The following PLXNA2 variants were observed in gnomAD, a reference collection of about 807,000 sequenced individuals.
PLXNA2 encodes plexin-A2.
PLXNA2 carries 91 observed loss-of-function variants against 193.5 expected under a neutral mutation model. The ratio of observed to expected loss-of-function variants is 0.47; its 90% CI spans 0.40 to 0.56. The LOEUF (loss-of-function observed/expected upper bound fraction) is 0.56. Ranked by LOEUF, PLXNA2 falls within the 20% of genes least tolerant of loss-of-function variation. The pLI is 0.00. For missense variants in PLXNA2, 1,995 were observed against 2,503.2 expected, an observed-to-expected ratio of 0.80 and a Z score of 4.33; for synonymous variants, 997 against 1,027.3, an observed-to-expected ratio of 0.97 and a Z score of 0.56.
chr1:208,179,070 G>A (rs1162033743), intron 3 of PLXNA2, among the ~76,000 whole-genome samples: 3 of 152,192 alleles, frequency 2.0e-5, no homozygotes, highest in African/African-American at 7.2e-5. Context: ...CAGCACGCTG[G>A]GCCTGGGCTA....
chr1:208,074,966 G>C (rs775734777), intron 12 of PLXNA2, among the ~76,000 whole-genome samples: 2 of 152,188 alleles, frequency 1.3e-5, no homozygotes, highest in Non-Finnish European at 2.9e-5. Flanking sequence ...CAGAGGTTTG[G>C]GGAAAACATC....
intron 28 of PLXNA2, among the ~76,000 whole-genome samples, chr1:208,033,089 T>C (rs1410281659): frequency 2.0e-5 from 3 of 148,520 alleles, no homozygotes; most frequent in Admixed American, 6.8e-5. Flanking sequence ...GGAGATCGGG[T>C]CTTGATATGT....
intron 1 of PLXNA2, among the ~76,000 whole-genome samples, chr1:208,230,675 A>C (rs949621770): frequency 6.6e-6 from 1 of 152,156 alleles, no homozygotes; most frequent in Non-Finnish European, 1.5e-5. Flanking sequence ...GCTTTTCTGA[A>C]CCAACAGCCA....
chr1:208,192,858 G>T (rs557407564), intron 3 of PLXNA2, among the ~76,000 whole-genome samples: 1 of 148,572 alleles, frequency 6.7e-6, no homozygotes, highest in African/African-American at 2.5e-5. Context: ...TTGCATTCCA[G>T]CCTGGGCAAC....
chr1:208,242,897 A>C (rs886430088), intron 1 of PLXNA2, among the ~76,000 whole-genome samples: 1 of 152,118 alleles, frequency 6.6e-6, no homozygotes, highest in African/African-American at 2.4e-5. Context: ...GGCAAGAAAG[A>C]GCACATGGAA....
rs888007031 is a variant in PLXNA2 at position 208,038,951 on chromosome 1, T to G, written c.4534A>C (p.Ser1512Arg). 1 of 1,614,086 alleles carries G rather than the reference T, an allele frequency of 6.2e-7. No homozygotes were observed. The highest frequency in any genetic ancestry group is 1.1e-5 in the South Asian group (1 of 91,078). ...LNCVNPDNEN[S>R]PEIPVKVLNC... ...AACACCTTCACTGGGATCTCTGGACTGTTCTCGTTGTCAGGGTTGACGCAG... is the reference window on the plus strand; with the variant it reads ...AACACCTTCACTGGGATCTCTGGACGGTTCTCGTTGTCAGGGTTGACGCAG... The change falls in exon 25 of 32, where the codon AGT (serine) becomes CGT (arginine). Residue 1512 changes from serine to arginine, a missense_variant. Ser to Arg is a moderately radical substitution (Grantham distance 110, BLOSUM62 -1). This residue lies in a region of PLXNA2 where 1,291 missense variants were observed against 1,673.6 expected (regional missense o/e 0.77). Transcript: ENST00000367033. This position sits in a 1 kb window ranked among gnomAD's most constrained non-coding sequence, Gnocchi z 4.1.
intron 3 of PLXNA2, among the ~76,000 whole-genome samples, chr1:208,192,334 A>G (rs1422117655): frequency 2.1e-5 from 3 of 143,026 alleles, no homozygotes; most frequent in Non-Finnish European, 4.6e-5. Flanking sequence ...GTGTGTGTGC[A>G]CGTGCACACA....
chr1:208,168,226 C>T (rs1669370116), intron 3 of PLXNA2, among the ~76,000 whole-genome samples: 1 of 152,216 alleles, frequency 6.6e-6, no homozygotes, highest in Non-Finnish European at 1.5e-5. Context: ...GTCTCCCTCT[C>T]TTTTCCCCTC....
intron 3 of PLXNA2, among the ~76,000 whole-genome samples, chr1:208,177,497 T>A (rs1213956850): frequency 6.6e-6 from 1 of 152,240 alleles, no homozygotes; most frequent in Non-Finnish European, 1.5e-5. Context: ...TCTAGGACAG[T>A]GGCACTTAGC....
intron 31 of PLXNA2, 61 bp from the exon 32 acceptor site, chr1:208,027,399 TG>T: frequency 7.1e-7 from 1 of 1,411,534 alleles, no homozygotes. Flanking sequence ...CACCATTTTC[TG>T]GAGTCGTTCC....
intron 3 of PLXNA2, among the ~76,000 whole-genome samples, chr1:208,169,507 G>A (rs150004625): frequency 3.3e-5 from 5 of 152,330 alleles, no homozygotes; most frequent in African/African-American, 9.6e-5. Context: ...TTGGGTGTAC[G>A]TGGCCCTGTT....
intron 3 of PLXNA2, among the ~76,000 whole-genome samples, chr1:208,186,637 G>A (rs1572010710): frequency 6.6e-6 from 1 of 152,264 alleles, no homozygotes; most frequent in African/African-American, 2.4e-5. Flanking sequence ...GGGATAGGGG[G>A]AGAGTAGGTG....
chr1:208,228,052 C>T (rs141664783), intron 1 of PLXNA2, among the ~76,000 whole-genome samples: 3 of 152,314 alleles, frequency 2.0e-5, no homozygotes, highest in South Asian at 2.1e-4. Flanking sequence ...TCTCAACTCT[C>T]GGTCCATGAA....
At chr1:208,237,192 T>C (rs1213449414) in intron 1 of PLXNA2, among the ~76,000 whole-genome samples, 1 of 152,196 alleles carries the variant, frequency 6.6e-6, no homozygotes, top group Admixed American at 6.5e-5. Context: ...CAGAAAGCTT[T>C]AAAGAGATTG....
In PLXNA2 at chr1:208,217,016, C is replaced by G. The variant is rs1430382247; in HGVS notation, c.907G>C (p.Ala303Pro). 1 of 1,611,650 alleles carries G rather than the reference C, an allele frequency of 6.2e-7. No homozygotes were observed. The highest frequency in any genetic ancestry group is 8.5e-7 in the Non-Finnish European group (1 of 1,178,386). The change falls in exon 2 of 32, where the codon GCC (alanine) becomes CCC (proline). Residue 303 changes from alanine (A) to proline (P), a missense_variant. Coordinates refer to ENST00000367033, the MANE Select transcript of PLXNA2 (RefSeq NM_025179.4). The surrounding 1 kb of genome is among the most constrained non-coding windows in gnomAD (Gnocchi z 4.7). ...TGCAGGAGGCGGTATTCCACCCCGGCCCGGGTGCAGCCGAAGGGCAGGGAC... is the reference window on the plus strand; with the variant it reads ...TGCAGGAGGCGGTATTCCACCCCGGGCCGGGTGCAGCCGAAGGGCAGGGAC... The part of the protein sequence containing the change: ...YVSLPFGCTR[A>P]GVEYRLLQAA...
rs767074811 is a variant in PLXNA2, at chr1:208,027,275, G to A, written c.5653C>T (p.Gln1885Ter). The stretch of plus-strand genomic sequence containing the variant: ...TCAATGGACATGGCATTAATGAGCT[G>A]CTCCACCTTATAAGCCAGCCGCTGC... ...RRQRLAYKVE[Q>*]LINAMSIES The change falls in exon 32 of 32, where the codon CAG (glutamine) becomes TAG (stop). Residue 1885 changes from glutamine (Q) to a stop codon, truncating the protein, a stop_gained. Coordinates refer to ENST00000367033, the MANE Select transcript of PLXNA2 (RefSeq NM_025179.4). LOFTEE classifies it high-confidence loss of function. 1 of 1,613,570 alleles carries A rather than the reference G, an allele frequency of 6.2e-7. No individual in the cohort carries two copies. Among genetic ancestry groups the A allele is most frequent in the Non-Finnish European group, 8.5e-7 (1 of 1,179,962 alleles).
chr1:208,158,305 A>G (rs1297277650), intron 3 of PLXNA2, among the ~76,000 whole-genome samples: 1 of 151,950 alleles, frequency 6.6e-6, no homozygotes. Context: ...TCTCCCATCA[A>G]TCCCCAGATC....
rs575666461 is a variant in PLXNA2 at position 208,082,034 on chromosome 1, T to C, written c.2395+378A>G. Among the ~76,000 whole-genome samples, 5 of 152,202 alleles carry C rather than the reference T, an allele frequency of 3.3e-5. No individual in the cohort carries two copies. The East Asian group carries it at 7.7e-4, about 24-fold the overall frequency. ...CTTAAAAACCCTCTTTGTGCAGTGA[T>C]TGTGACCAGGGCCAAGGACAGGGGA... On this transcript the variant is annotated intron_variant, in intron 11 of 31. Coordinates refer to ENST00000367033, the MANE Select transcript of PLXNA2 (RefSeq NM_025179.4). The surrounding 1 kb of genome is among the most constrained non-coding windows in gnomAD (Gnocchi z 4.2).
At chr1:208,075,182 G>T (rs933165450) in intron 12 of PLXNA2, among the ~76,000 whole-genome samples, 1 of 151,982 alleles carries the variant, frequency 6.6e-6, no homozygotes, top group Non-Finnish European at 1.5e-5. Context: ...GTGGTGGCAC[G>T]TGCCTGTAGT....
Sources: allele counts gnomAD v4.1 joint callset (sites outside exome capture counted in the v4.1 genomes callset), GRCh38; gene constraint gnomAD v4.1.1; regional missense constraint gnomAD v4.1.1; non-coding constraint Gnocchi (gnomAD v3.1); transcripts MANE v1.5; gene names NCBI Gene and HGNC (gene_info 2026-07-23, HGNC 2026-07-21).